Variants in PPM1H observed in about 807,000 individuals in gnomAD.
PPM1H encodes the protein protein phosphatase 1H.
A neutral mutation model predicts 54.9 loss-of-function variants in PPM1H; 27 were observed. That is an observed-to-expected ratio of 0.49 (90% CI 0.36 to 0.68). The LOEUF is 0.68. Among genes scored for constraint, PPM1H ranks in the 30% least tolerant of loss-of-function variants. PPM1H has a pLI of 0.00. For missense variants in PPM1H, 596 were observed against 667.8 expected (o/e 0.89, Z 1.19); for synonymous variants, 305 against 270.8 (o/e 1.13, Z -1.24).
intron 1 of PPM1H, among the ~76,000 whole-genome samples, chr12:62,862,549 T>A (rs1869639788): frequency 6.6e-6 from 1 of 152,178 alleles, no homozygotes; most frequent in Admixed American, 6.5e-5. Context: ...TGAATGTCAT[T>A]TCTAGAGGGC....
chr12:62,840,809 T>TA (rs1431274575), intron 1 of PPM1H, among the ~76,000 whole-genome samples: 10 of 152,226 alleles, frequency 6.6e-5, no homozygotes, highest in Admixed American at 1.3e-4. Context: ...TAAGACTGTT[T>TA]AAACTAGGGA....
At chr12:62,781,182 C>T (rs1011362194) in intron 4 of PPM1H, among the ~76,000 whole-genome samples, 4 of 152,222 alleles carry the variant, frequency 2.6e-5, no homozygotes, top group African/African-American at 9.6e-5. Flanking sequence ...CAGAACTACC[C>T]AGCAGGAAGA....
intron 9 of PPM1H, among the ~76,000 whole-genome samples, chr12:62,657,071 C>A (rs1469341072): frequency 1.3e-5 from 2 of 152,018 alleles, no homozygotes; most frequent in Non-Finnish European, 2.9e-5. Flanking sequence ...GGCAGAATAC[C>A]CTGAGACACC....
chr12:62,695,265 ATG>A (rs1396949837), intron 6 of PPM1H, among the ~76,000 whole-genome samples: 7 of 152,196 alleles, frequency 4.6e-5, no homozygotes, highest in African/African-American at 1.7e-4. Context: ...TTGGCACCAG[ATG>A]TGCCTGAGCT....
chr12:62,671,946 TTGTC>T (rs1312945249), intron 8 of PPM1H, among the ~76,000 whole-genome samples: 1 of 152,232 alleles, frequency 6.6e-6, no homozygotes, highest in African/African-American at 2.4e-5. Flanking sequence ...GGGTAAATCT[TTGTC>T]TGTCAGTTTT....
At chr12:62,850,249 G>A (rs1869130392) in intron 1 of PPM1H, among the ~76,000 whole-genome samples, 1 of 152,160 alleles carries the variant, frequency 6.6e-6, no homozygotes, top group Non-Finnish European at 1.5e-5. Flanking sequence ...CTACAGGTGT[G>A]AGCCACTGTG....
At chr12:62,745,383 G>A (rs2076404772) in intron 4 of PPM1H, among the ~76,000 whole-genome samples, 1 of 152,022 alleles carries the variant, frequency 6.6e-6, no homozygotes, top group Non-Finnish European at 1.5e-5. Context: ...ATATATTTTT[G>A]TATTATTTGA....
intron 1 of PPM1H, among the ~76,000 whole-genome samples, chr12:62,876,262 A>T (rs1870165072): frequency 6.6e-6 from 1 of 152,252 alleles, no homozygotes; most frequent in South Asian, 2.1e-4. Flanking sequence ...AAACTATCAG[A>T]AAGACAAAAC....
In PPM1H at chr12:62,870,124, G is replaced by T. The variant is rs1869926145; in HGVS notation, c.246-37845C>A. On this transcript the variant is annotated intron_variant, in intron 1 of 9. Transcript: ENST00000228705. ...GTAGGACATCCACAGTAATTACATA[G>T]TGCAGTGAAATAAACTCTATGACAA... is the stretch of plus-strand genomic sequence containing the variant. 3.3e-5 allele frequency among the ~76,000 whole-genome samples: 5 copies of T among 152,172 alleles called. No homozygotes were observed. In the South Asian group the frequency reaches 1.0e-3, roughly 32 times the overall value.
At chr12:62,813,706 T>A (rs2076849593) in intron 2 of PPM1H, among the ~76,000 whole-genome samples, 1 of 152,240 alleles carries the variant, frequency 6.6e-6, no homozygotes, top group South Asian at 2.1e-4. Flanking sequence ...ATCATCATCA[T>A]ATCTAGCCAA....
At chr12:62,772,121 G>C (rs2076582979) in intron 4 of PPM1H, among the ~76,000 whole-genome samples, 1 of 152,146 alleles carries the variant, frequency 6.6e-6, no homozygotes, top group Non-Finnish European at 1.5e-5. Context: ...TGAACCCCTA[G>C]CATTTCTATT....
At chr12:62,656,380 C>T (rs1055446609) in intron 9 of PPM1H, among the ~76,000 whole-genome samples, 39 of 152,150 alleles carry the variant, frequency 2.6e-4, no homozygotes, top group African/African-American at 8.0e-4. Context: ...GGCACACAAT[C>T]GGAGGTCAAT....
rs1044196400 is a variant in PPM1H at position 62,788,250 on chromosome 12, T to C, written c.845A>G (p.Tyr282Cys). 1.3e-6 allele frequency: 2 copies of C among 1,598,230 alleles called. No homozygotes were observed. Among genetic ancestry groups the C allele is most frequent in the Non-Finnish European group, 8.5e-7 (1 of 1,171,552 alleles). The change falls in exon 4 of 10, where the codon TAT becomes TGT. Residue 282 changes from tyrosine to cysteine, a missense_variant. Around this residue, in one of 3 missense-constraint regions of PPM1H, gnomAD observed 382 missense variants for 387.1 expected, o/e 0.99. Transcript: ENST00000228705. The part of the protein sequence containing the change: ...LIVICLLGKL[Y>C]VANAGDSRAI... ...CCTGCTATCCCCAGCATTTGCAACATACAGCTTCCCCAAAAGGCAAATCAC... is the reference window on the plus strand; with the variant it reads ...CCTGCTATCCCCAGCATTTGCAACACACAGCTTCCCCAAAAGGCAAATCAC...
intron 9 of PPM1H, among the ~76,000 whole-genome samples, chr12:62,664,799 C>A (rs548440291): frequency 6.6e-6 from 1 of 152,090 alleles, no homozygotes; most frequent in South Asian, 2.1e-4. Flanking sequence ...GGTTAGTTGG[C>A]GGTAATATGT....
chr12:62,794,053 G>T (rs998520430), intron 3 of PPM1H, among the ~76,000 whole-genome samples: 2 of 152,138 alleles, frequency 1.3e-5, no homozygotes, highest in Non-Finnish European at 2.9e-5. Flanking sequence ...ATCAGATTCT[G>T]CATGGTTTTA....
intron 4 of PPM1H, among the ~76,000 whole-genome samples, chr12:62,773,017 G>A (rs529911582): frequency 3.3e-4 from 50 of 152,028 alleles, no homozygotes; most frequent in African/African-American, 9.1e-4. Flanking sequence ...GCATGGTGGC[G>A]CGCGCTTGTA....
At chr12:62,837,849 C>T (rs7316591) in intron 1 of PPM1H, among the ~76,000 whole-genome samples, 17,163 of 152,224 alleles carry the variant, frequency 0.11, 1,838 homozygotes, top group African/African-American at 0.28. Flanking sequence ...CTCCTTTCTA[C>T]GCCTTTCCAT....
At chr12:62,846,085 GTCTCT>G (rs1027648084) in intron 1 of PPM1H, among the ~76,000 whole-genome samples, 13 of 152,062 alleles carry the variant, frequency 8.5e-5, no homozygotes, top group African/African-American at 3.1e-4. Context: ...CTAACCTGTC[GTCTCT>G]TCTTAGTAAA....
intron 1 of PPM1H, among the ~76,000 whole-genome samples, chr12:62,890,372 C>T (rs955474509): frequency 3.3e-5 from 5 of 152,124 alleles, no homozygotes; most frequent in Admixed American, 1.3e-4. Flanking sequence ...GTGGGAGGAA[C>T]GCTTGAGCCT....
Sources: gnomAD v4.1 joint callset for allele counts (sites outside exome capture counted in the v4.1 genomes callset) on GRCh38, gnomAD v4.1.1 for gene constraint, gnomAD v4.1.1 regional missense constraint, MANE v1.5 for transcripts, NCBI Gene and HGNC (gene_info 2026-07-23, HGNC 2026-07-21) for gene names.